JMJD1C: variants seen among roughly 807,000 people sequenced by gnomAD.
JMJD1C encodes the protein jumonji domain-containing protein 1C.
JMJD1C carries 31 observed loss-of-function variants against 245.3 expected under a neutral mutation model. The observed-to-expected ratio is 0.13, with a 90% CI of 0.09 to 0.17. JMJD1C has a LOEUF of 0.17. Ranked by LOEUF, JMJD1C falls within the 10% of genes least tolerant of loss-of-function variation. The pLI, the probability that JMJD1C is intolerant of heterozygous loss-of-function variation, is 1.00. For synonymous variants in JMJD1C, 1,057 were observed against 1,017.4 expected, an observed-to-expected ratio of 1.04 and a Z score of -0.74; for missense variants, 2,691 against 3,000.2, an observed-to-expected ratio of 0.90 and a Z score of 2.41.
chr10:63,365,563 G>A (rs988464774), intron 2 of JMJD1C, among the ~76,000 whole-genome samples: 2 of 152,120 alleles, frequency 1.3e-5, no homozygotes, highest in African/African-American at 4.8e-5. Context: ...GAGGTCAGGA[G>A]TTCAAGATTC....
chr10:63,345,660 A>G (rs1234015454), intron 2 of JMJD1C, among the ~76,000 whole-genome samples: 1 of 152,176 alleles, frequency 6.6e-6, no homozygotes, highest in Non-Finnish European at 1.5e-5. Flanking sequence ...AGAGGTTAGG[A>G]GTAGGGAGAC....
chr10:63,222,205 G>C, intron 3 of JMJD1C: 1 of 760,956 alleles, frequency 1.3e-6, no homozygotes, highest in Non-Finnish European at 2.5e-6. Flanking sequence ...CTGACACCAT[G>C]TTCAGAGGAA....
intron 1 of JMJD1C, chr10:63,521,490 G>C: frequency 7.8e-7 from 1 of 1,278,974 alleles, no homozygotes; most frequent in East Asian, 3.3e-5. Flanking sequence ...TGGCGGCCTG[G>C]TCCGCAGCGC....
At chr10:63,462,653 C>T (rs1184870692) in intron 1 of JMJD1C, among the ~76,000 whole-genome samples, 11 of 152,112 alleles carry the variant, frequency 7.2e-5, no homozygotes, top group Admixed American at 7.2e-4. Flanking sequence ...GAAAAACGGT[C>T]AGAGAGATAC....
intron 2 of JMJD1C, among the ~76,000 whole-genome samples, chr10:63,372,207 TATG>T (rs1183790371): frequency 6.6e-6 from 1 of 152,218 alleles, no homozygotes; most frequent in Non-Finnish European, 1.5e-5. Flanking sequence ...TTTACGTGTT[TATG>T]ATGTCATCAC....
At chr10:63,508,834 T>C (rs1420493883) in intron 1 of JMJD1C, among the ~76,000 whole-genome samples, 2 of 152,208 alleles carry the variant, frequency 1.3e-5, no homozygotes, top group Non-Finnish European at 2.9e-5. Flanking sequence ...AGAAGTAATT[T>C]TCTTGATTCT....
chr10:63,358,938 T>C (rs1945094319), intron 2 of JMJD1C: 1 of 160,420 alleles, frequency 6.2e-6, no homozygotes, highest in South Asian at 1.9e-4. Flanking sequence ...AATCTAACCA[T>C]GTTGGACCTT....
At chr10:63,266,173 C>T (rs142642669) in intron 2 of JMJD1C, among the ~76,000 whole-genome samples, 2 of 152,204 alleles carry the variant, frequency 1.3e-5, no homozygotes, top group East Asian at 3.9e-4. Flanking sequence ...TATATTCTCA[C>T]TTATTTTCGA....
chr10:63,176,597 AT>A, intron 23 of JMJD1C, 124 bp from the exon 24 acceptor site: 1 of 719,820 alleles, frequency 1.4e-6, no homozygotes, highest in Non-Finnish European at 2.3e-6. Context: ...GAACAACTGA[AT>A]GAGCTTCTTC....
At chr10:63,252,386 T>C (rs189531176) in intron 3 of JMJD1C, among the ~76,000 whole-genome samples, 103 of 152,316 alleles carry the variant, frequency 6.8e-4, no homozygotes, top group African/African-American at 2.3e-3. Flanking sequence ...CCCTAACACA[T>C]GGATAGGTTT....
chr10:63,451,545 G>A (rs1393579757), intron 1 of JMJD1C, among the ~76,000 whole-genome samples: 1 of 152,108 alleles, frequency 6.6e-6, no homozygotes, highest in Non-Finnish European at 1.5e-5. Flanking sequence ...TATTTACAGA[G>A]CATTTACACT....
Position 63,398,645 on chromosome 10 carries a change from AT to A in JMJD1C, c.169-18164del, listed in dbSNP as rs61130615. 2.6e-4 allele frequency among the ~76,000 whole-genome samples: 32 copies of A among 122,668 alleles called. No individual in the cohort carries two copies. The East Asian group carries it at 4.8e-3, about 18-fold the overall frequency. 80.5% of individuals were successfully genotyped at this position (122,668 alleles called of 152,430 possible). ...TTCATCATTTACTATCTGAAAAAAA[AT>A]TTTTTTTTTTTTTTTGAGACAGACT... is the stretch of plus-strand genomic sequence containing the variant. On this transcript the variant is annotated intron_variant, in intron 1 of 25. Coordinates refer to ENST00000399262, the MANE Select transcript of JMJD1C (RefSeq NM_032776.3).
intron 2 of JMJD1C, among the ~76,000 whole-genome samples, chr10:63,349,417 A>C (rs1423704203): frequency 1.3e-5 from 2 of 152,244 alleles, no homozygotes; most frequent in Non-Finnish European, 2.9e-5. Context: ...CTCTGTGTCA[A>C]TGATGTTCAA....
intron 1 of JMJD1C, among the ~76,000 whole-genome samples, chr10:63,520,680 C>T (rs943346299): frequency 1.3e-5 from 2 of 152,154 alleles, no homozygotes; most frequent in African/African-American, 4.8e-5. Flanking sequence ...TTACTTTGAA[C>T]ATCTGGCAGG....
intron 3 of JMJD1C, among the ~76,000 whole-genome samples, chr10:63,260,394 A>C (rs1854546427): frequency 6.6e-6 from 1 of 152,196 alleles, no homozygotes; most frequent in South Asian, 2.1e-4. Flanking sequence ...AGGTGTGTGC[A>C]CGGCCAGTAG....
chr10:63,339,926 C>T (rs1589524422), intron 2 of JMJD1C, among the ~76,000 whole-genome samples: 1 of 152,120 alleles, frequency 6.6e-6, no homozygotes, highest in Non-Finnish European at 1.5e-5. Context: ...AGGCATGCAC[C>T]TGTAGTCCCT....
chr10:63,277,727 A>ATTTTTT (rs1389505532), intron 2 of JMJD1C, among the ~76,000 whole-genome samples: 2 of 83,160 alleles, frequency 2.4e-5, no homozygotes, highest in Non-Finnish European at 4.8e-5. Context: ...AGTAATTTGC[A>ATTTTTT]TTTCTTTTTT....
At chr10:63,476,957 A>G (rs977967345) in intron 1 of JMJD1C, among the ~76,000 whole-genome samples, 1 of 152,138 alleles carries the variant, frequency 6.6e-6, no homozygotes, top group Non-Finnish European at 1.5e-5. Context: ...TTCTACAAAT[A>G]TTAGAAGGAT....
chr10:63,501,873 CA>C (rs748363717), intron 1 of JMJD1C, among the ~76,000 whole-genome samples: 20 of 152,070 alleles, frequency 1.3e-4, no homozygotes, highest in Non-Finnish European at 2.5e-4. Context: ...CACCTATGAA[CA>C]AACTGATAAT....
Sources: gnomAD v4.1 joint callset for allele counts (sites outside exome capture counted in the v4.1 genomes callset) on GRCh38, gnomAD v4.1.1 for gene constraint, MANE v1.5 for transcripts, NCBI Gene and HGNC (gene_info 2026-07-23, HGNC 2026-07-21) for gene names.